DMAC2L: variants seen among roughly 807,000 people sequenced by gnomAD.
DMAC2L encodes ATP synthase subunit s, mitochondrial.
A neutral mutation model predicts 22.5 loss-of-function variants in DMAC2L; 21 were observed. The ratio of observed to expected loss-of-function variants is 0.93; its 90% CI spans 0.66 to 1.34. DMAC2L has a LOEUF of 1.34. DMAC2L is among the 40% of genes most tolerant of loss of function. The probability of loss-of-function intolerance (pLI) is 0.00; values close to 1 mark genes in which losing one functional copy is unlikely to be tolerated. For synonymous variants in DMAC2L, 86 were observed against 89.5 expected, an observed-to-expected ratio of 0.96 and a Z score of 0.22; for missense variants, 239 against 246.5, an observed-to-expected ratio of 0.97 and a Z score of 0.20.
At chr14:50,322,748 A>C (rs768091561) in intron 4 of DMAC2L, 29 bp downstream of exon 4, 9 of 1,613,738 alleles carry the variant, frequency 5.6e-6, no homozygotes, top group Admixed American at 3.3e-5. Context: ...TGCTAATAGA[A>C]AATGCAGATG....
chr14:50,322,758 G>A lies in DMAC2L; in HGVS notation c.316+39G>A, dbSNP rs17122388. The A allele has an allele frequency of 2.4e-3, 3,937 of 1,612,138 alleles. 52 individuals are homozygous for A. In the East Asian group the frequency reaches 0.038, roughly 16 times the overall value. On this transcript the variant is annotated intron_variant, in intron 4 of 5. Transcript: ENST00000557421. The stretch of plus-strand genomic sequence containing the variant: ...CGTTTTGCTAATAGAAAATGCAGAT[G>A]ATTTGCAGTGACCATTTTGTTGCAG...
chr14:50,323,979 C>T lies in DMAC2L; in HGVS notation c.351C>T (p.Cys117=). The T allele has an allele frequency of 1.2e-6, 2 of 1,613,350 alleles. No homozygotes were observed. Among genetic ancestry groups the T allele is most frequent in the Non-Finnish European group, 1.7e-6 (2 of 1,179,692 alleles). Residue 117 remains cysteine, a synonymous_variant, in exon 5 of 6, where the codon TGC becomes TGT. Transcript: ENST00000557421. ...AGCATGTTGAAAAAATAAGGCTGTGCAAGTGTCATTATATCGAGGATGACT... is the reference window on the plus strand; with the variant it reads ...AGCATGTTGAAAAAATAAGGCTGTGTAAGTGTCATTATATCGAGGATGACT... The part of the protein sequence containing the change: ...GLEHVEKIRL[C]KCHYIEDDCL...
At chr14:50,312,216 C>A (rs1027312804), upstream of DMAC2L, 3 of 1,586,606 alleles carry the variant, frequency 1.9e-6, no homozygotes, top group Admixed American at 3.5e-5. Context: ...GGCCGAGGAC[C>A]CGCGCTCTTT....
In DMAC2L at chr14:50,317,178, T is replaced by G. The variant is rs60066423; in HGVS notation, c.-6+2552T>G. On this transcript the variant is annotated intron_variant, in intron 2 of 5. Transcript: ENST00000557421. ...GGTTAGGCATATTCCTAAGTTTTTT[T>G]TGTGTGTGTGGCTATTATAAAAGGG... Among the ~76,000 whole-genome samples, 671 of 152,320 alleles carry G rather than the reference T, an allele frequency of 4.4e-3. 5 individuals are homozygous for G. The highest frequency in any genetic ancestry group is 0.015 in the African/African-American group (632 of 41,566).
chr14:50,323,301 G>C (rs1356834891), intron 4 of DMAC2L, among the ~76,000 whole-genome samples: 1 of 151,628 alleles, frequency 6.6e-6, no homozygotes, highest in Non-Finnish European at 1.5e-5. Flanking sequence ...GTGTTAGCCA[G>C]GATGGTCTCG....
chr14:50,324,089 A>G lies in DMAC2L; in HGVS notation c.461A>G (p.Lys154Arg). 6.2e-7 allele frequency: 1 copy of G among 1,613,096 alleles called. No individual in the cohort carries two copies. ...EIISCGNITD[K>R]GIIALRHLRN... The stretch of plus-strand genomic sequence containing the variant: ...ATATCCTGTGGGAATATCACAGACA[A>G]AGGCATCATTGCTTTGCGTCATTTA... Residue 154 changes from lysine (K) to arginine (R), a missense_variant, in exon 5 of 6, where the codon AAA becomes AGA. Physicochemically the swap from Lys to Arg is conservative, Grantham distance 26. Coordinates refer to ENST00000557421, the MANE Select transcript of DMAC2L (RefSeq NM_001382507.1).
At chr14:50,324,866 C>T (rs1194298563) in intron 5 of DMAC2L, among the ~76,000 whole-genome samples, 1 of 152,138 alleles carries the variant, frequency 6.6e-6, no homozygotes, top group Non-Finnish European at 1.5e-5. Flanking sequence ...ACTTCCGCTT[C>T]CTGGGTTCAA....
chr14:50,326,477 C>T lies in DMAC2L; in HGVS notation c.*754C>T. ...AGATTCATTGATGGAGTCAATTATG[C>T]AAAGTGGTCAGTGGTTGTTGAAGCA... On this transcript the variant is annotated 3_prime_UTR_variant, in exon 6 of 6. Coordinates refer to ENST00000557421, the MANE Select transcript of DMAC2L (RefSeq NM_001382507.1). 1 of 985,268 alleles carries T rather than the reference C, an allele frequency of 1.0e-6. No individual in the cohort carries two copies. The highest frequency in any genetic ancestry group is 1.2e-6 in the Non-Finnish European group (1 of 829,886). 61.0% of individuals were successfully genotyped at this position (985,268 alleles called of 1,614,324 possible).
intron 2 of DMAC2L, 117 bp from the exon 3 acceptor site, chr14:50,321,366 T>C: frequency 1.4e-6 from 2 of 1,411,836 alleles, no homozygotes; most frequent in South Asian, 1.6e-5. Flanking sequence ...TCAGTAATTG[T>C]TGAGTGGCAA....
chr14:50,312,646 A>G (rs940271907), intron 1 of DMAC2L: 1 of 219,322 alleles, frequency 4.6e-6, no homozygotes, highest in Non-Finnish European at 8.8e-6. Flanking sequence ...CCCCCGCTCC[A>G]GCTCCAGCCG....
Position 50,324,123 on chromosome 14 carries a change from G to A in DMAC2L, c.488+7G>A, listed in dbSNP as rs773026221. On this transcript the variant is annotated splice_region_variant and intron_variant, in intron 5 of 5. Coordinates refer to ENST00000557421, the MANE Select transcript of DMAC2L (RefSeq NM_001382507.1). ...TTGCTTTGCGTCATTTAAGGTAGATGATCAAAGCCAAAGTGGAAACTTGAT... is the reference window on the plus strand; with the variant it reads ...TTGCTTTGCGTCATTTAAGGTAGATAATCAAAGCCAAAGTGGAAACTTGAT... 1 of 1,598,578 alleles carries A rather than the reference G, an allele frequency of 6.3e-7. No homozygotes were observed. The highest frequency in any genetic ancestry group is 8.5e-7 in the Non-Finnish European group (1 of 1,172,544).
At chr14:50,313,451 G>C (rs542572770) in intron 1 of DMAC2L, among the ~76,000 whole-genome samples, 5 of 152,250 alleles carry the variant, frequency 3.3e-5, no homozygotes, top group Admixed American at 1.3e-4. Flanking sequence ...CATTTGCTAC[G>C]TGATGACATT....
At chr14:50,322,070 A>G (rs903765414) in intron 3 of DMAC2L, among the ~76,000 whole-genome samples, 2 of 152,350 alleles carry the variant, frequency 1.3e-5, no homozygotes, top group Admixed American at 6.5e-5. Context: ...AGAAAAAAGC[A>G]TATGTAGAAA....
intron 1 of DMAC2L, chr14:50,312,627 C>CT (rs1408674717): frequency 0.014 from 3,853 of 269,986 alleles, 148 homozygotes; most frequent in East Asian, 0.094. Flanking sequence ...CGGCCCCGCC[C>CT]CCGCCCCGCC....
chr14:50,321,377 G>A (rs1432658022), intron 2 of DMAC2L, 106 bp from the exon 3 acceptor site: 2 of 1,428,658 alleles, frequency 1.4e-6, no homozygotes, highest in South Asian at 1.6e-5. Context: ...TGAGTGGCAA[G>A]TGAGTCATCA....
chr14:50,324,552 A>G (rs1228319548), intron 5 of DMAC2L: 1 of 153,650 alleles, frequency 6.5e-6, no homozygotes, highest in Non-Finnish European at 1.4e-5. Context: ...TCTAGAGCCT[A>G]GAACACTGCC....
chr14:50,323,077 T>C (rs957863996), intron 4 of DMAC2L: 25 of 959,346 alleles, frequency 2.6e-5, no homozygotes, highest in African/African-American at 1.5e-4. Flanking sequence ...GGGCATTTTT[T>C]TTTCTTTCTT....
intron 2 of DMAC2L, chr14:50,319,202 G>A (rs780702713): frequency 1.0e-5 from 16 of 1,535,868 alleles, no homozygotes; most frequent in African/African-American, 5.5e-5. Flanking sequence ...GGCAGAGAGC[G>A]CTTTAACAAA....
intron 1 of DMAC2L, chr14:50,312,813 A>G: frequency 3.5e-6 from 2 of 578,144 alleles, no homozygotes; most frequent in South Asian, 2.1e-5. Context: ...GTCACAGCGA[A>G]GACTGACAGC....
Sources: gnomAD v4.1 joint callset for allele counts (sites outside exome capture counted in the v4.1 genomes callset) on GRCh38, gnomAD v4.1.1 for gene constraint, MANE v1.5 for transcripts, NCBI Gene and HGNC (gene_info 2026-07-23, HGNC 2026-07-21) for gene names.